GTF2F2: variants seen among roughly 807,000 people sequenced by gnomAD.
The protein encoded by GTF2F2 is ATP-dependent helicase GTF2F2.
In GTF2F2, 23 loss-of-function variants were observed where a neutral mutation model predicts 42.2. The observed-to-expected ratio is 0.55, with a 90% CI of 0.39 to 0.77. The LOEUF is 0.77. GTF2F2 is among the 30% of genes least tolerant of loss of function. The probability of loss-of-function intolerance (pLI) is 0.00; values close to 1 mark genes in which losing one functional copy is unlikely to be tolerated. For missense variants in GTF2F2, 261 were observed against 287.2 expected (o/e 0.91, Z 0.66); for synonymous variants, 105 against 100.8 (o/e 1.04, Z -0.25).
chr13:45,151,932 T>TTTTTTTG (rs1870518636), intron 4 of GTF2F2, 101 bp downstream of exon 4: 1 of 527,290 alleles, frequency 1.9e-6, no homozygotes, highest in African/African-American at 2.1e-5. Context: ...TTTTTTTTTT[T>TTTTTTTG]GCGATGGAGT....
intron 5 of GTF2F2, among the ~76,000 whole-genome samples, chr13:45,223,839 A>T (rs1874219464): frequency 6.6e-6 from 1 of 152,216 alleles, no homozygotes; most frequent in Non-Finnish European, 1.5e-5. Context: ...TTGTCTTGAC[A>T]ATTATCTCTG....
At chr13:45,270,510 T>G (rs147303930) in intron 7 of GTF2F2, among the ~76,000 whole-genome samples, 1 of 152,222 alleles carries the variant, frequency 6.6e-6, no homozygotes, top group East Asian at 1.9e-4. Flanking sequence ...CTCTCCCTCT[T>G]TTTATAAAGC....
chr13:45,281,536 G>C (rs1057132012), intron 7 of GTF2F2, among the ~76,000 whole-genome samples: 12 of 152,226 alleles, frequency 7.9e-5, no homozygotes, highest in Non-Finnish European at 1.6e-4. Flanking sequence ...CCTTAAGCCA[G>C]ATGTGGTGGA....
intron 4 of GTF2F2, among the ~76,000 whole-genome samples, chr13:45,189,532 A>T (rs541148623): frequency 6.6e-6 from 1 of 152,354 alleles, no homozygotes; most frequent in South Asian, 2.1e-4. Flanking sequence ...GTGTAAAAGC[A>T]TTCCTATTTC....
rs945916383 is a variant in GTF2F2 at position 45,123,648 on chromosome 13, C to A, written c.66+2927C>A. Among the ~76,000 whole-genome samples, 26 of 141,466 alleles carry A rather than the reference C, an allele frequency of 1.8e-4. No homozygotes were observed. In the South Asian group the frequency reaches 4.6e-3, roughly 25 times the overall value. The allele number at this position is 141,466 out of a possible 152,430, so 92.8% of individuals were successfully genotyped here. A position where few individuals can be genotyped will look rare whatever the true frequency, so the allele number is the denominator to read the frequency against. On this transcript the variant is annotated intron_variant, in intron 1 of 7. Transcript: ENST00000340473. The stretch of plus-strand genomic sequence containing the variant: ...CTATCTAAAAAGAAAAAAAAAAAAA[C>A]AACCAAAACCTACGGGCAGGACTGG...
chr13:45,144,662 C>T (rs558251913), intron 2 of GTF2F2, among the ~76,000 whole-genome samples: 10 of 151,738 alleles, frequency 6.6e-5, no homozygotes, highest in Admixed American at 1.3e-4. Flanking sequence ...AGGTTGGTCT[C>T]GATCTCCTGA....
At chr13:45,121,964 A>C (rs1868660417) in intron 1 of GTF2F2, among the ~76,000 whole-genome samples, 1 of 152,150 alleles carries the variant, frequency 6.6e-6, no homozygotes, top group South Asian at 2.1e-4. Flanking sequence ...GTGTGACTTG[A>C]GATGGTGCCA....
intron 7 of GTF2F2, among the ~76,000 whole-genome samples, chr13:45,280,176 G>A (rs183767075): frequency 4.6e-5 from 7 of 152,324 alleles, no homozygotes; most frequent in Non-Finnish European, 7.3e-5. Flanking sequence ...GCACGCAGAT[G>A]CAGAAATGGG....
intron 5 of GTF2F2, among the ~76,000 whole-genome samples, chr13:45,218,541 A>G (rs1293246659): frequency 2.0e-5 from 3 of 152,222 alleles, no homozygotes; most frequent in Admixed American, 6.5e-5. Context: ...TGCACCCTCC[A>G]GTTTGCTGCA....
At chr13:45,274,121 G>A (rs1025009272) in intron 7 of GTF2F2, among the ~76,000 whole-genome samples, 2 of 151,972 alleles carry the variant, frequency 1.3e-5, no homozygotes, top group East Asian at 3.9e-4. Context: ...GCATTACAGA[G>A]CCATTTCTTT....
At chr13:45,195,392 G>A (rs955428888) in intron 4 of GTF2F2, among the ~76,000 whole-genome samples, 6 of 152,054 alleles carry the variant, frequency 3.9e-5, no homozygotes, top group African/African-American at 1.2e-4. Flanking sequence ...CTGCTTCTGT[G>A]CTGAACAAAG....
At chr13:45,139,140 C>T (rs946334578) in intron 2 of GTF2F2, among the ~76,000 whole-genome samples, 2 of 152,086 alleles carry the variant, frequency 1.3e-5, no homozygotes, top group Non-Finnish European at 1.5e-5. Context: ...GCCTGTTACT[C>T]CACTATAGGA....
At chr13:45,143,738 G>A (rs533831225) in intron 2 of GTF2F2, among the ~76,000 whole-genome samples, 8 of 152,226 alleles carry the variant, frequency 5.3e-5, no homozygotes, top group Admixed American at 1.3e-4. Flanking sequence ...GGGAAAAGAC[G>A]TGCAGCCTGG....
intron 1 of GTF2F2, among the ~76,000 whole-genome samples, chr13:45,129,227 A>G (rs1869208711): frequency 6.6e-6 from 1 of 151,778 alleles, no homozygotes; most frequent in African/African-American, 2.4e-5. Flanking sequence ...CTATTTATTT[A>G]TGACAGAGTC....
chr13:45,208,040 C>T (rs1344629685), intron 5 of GTF2F2, among the ~76,000 whole-genome samples: 4 of 151,550 alleles, frequency 2.6e-5, no homozygotes, highest in Non-Finnish European at 5.9e-5. Context: ...GTGAGGATTG[C>T]TTGGGCCTGG....
intron 5 of GTF2F2, among the ~76,000 whole-genome samples, chr13:45,212,447 G>GTTTCTTTCTTTTCTTTTCTTTTCTTTC (rs765065810): frequency 1.1e-4 from 5 of 45,678 alleles, no homozygotes; most frequent in African/African-American, 3.8e-4. Context: ...TTTCTTTCTT[G>GTTTCTTTCTTTTCTTTTCTTTTCTTTC]TTTCTTTCTT....
chr13:45,269,780 T>C (rs1181153204), intron 7 of GTF2F2, among the ~76,000 whole-genome samples: 1 of 152,238 alleles, frequency 6.6e-6, no homozygotes, highest in African/African-American at 2.4e-5. Context: ...TATGTAATAA[T>C]ATAAAATTTA....
At chr13:45,280,367 A>AT (rs1436405482) in intron 7 of GTF2F2, among the ~76,000 whole-genome samples, 1 of 152,110 alleles carries the variant, frequency 6.6e-6, no homozygotes, top group Non-Finnish European at 1.5e-5. Flanking sequence ...CCCTTTAGAG[A>AT]TTTTCCCTTC....
At chr13:45,216,205 G>A (rs1471496971) in intron 5 of GTF2F2, among the ~76,000 whole-genome samples, 1 of 152,106 alleles carries the variant, frequency 6.6e-6, no homozygotes, top group African/African-American at 2.4e-5. Context: ...GCAACAGAGC[G>A]AGACCCTGTC....
Sources: gnomAD v4.1 joint callset for allele counts (sites outside exome capture counted in the v4.1 genomes callset) on GRCh38, gnomAD v4.1.1 for gene constraint, MANE v1.5 for transcripts, NCBI Gene and HGNC (gene_info 2026-07-23, HGNC 2026-07-21) for gene names.